Variants in INTS6 observed in about 807,000 individuals in gnomAD.
INTS6 encodes the protein DEAD box protein.
Under a neutral mutation model 104.9 loss-of-function variants are expected in INTS6, and 16 were observed. The observed-to-expected ratio is 0.15, with a 90% CI of 0.10 to 0.23. The LOEUF is 0.23. INTS6 is among the 10% of genes least tolerant of loss of function. INTS6 has a pLI of 1.00. For missense variants in INTS6, 584 were observed against 1,062.8 expected, an observed-to-expected ratio of 0.55 and a Z score of 6.26; for synonymous variants, 324 against 358.7, an observed-to-expected ratio of 0.90 and a Z score of 1.09.
intron 11 of INTS6, among the ~76,000 whole-genome samples, chr13:51,378,726 C>A (rs1955984732): frequency 6.6e-6 from 1 of 151,900 alleles, no homozygotes; most frequent in Non-Finnish European, 1.5e-5. Flanking sequence ...CCCACTATAC[C>A]TAAACCATGA....
downstream of INTS6, among the ~76,000 whole-genome samples, chr13:51,351,597 C>T (rs571529139): frequency 6.6e-6 from 1 of 152,208 alleles, no homozygotes; most frequent in Admixed American, 6.5e-5. Context: ...TTTCACTTCT[C>T]AATGGTGTCC....
At chr13:51,372,040 T>C (rs1955816802) in intron 15 of INTS6, among the ~76,000 whole-genome samples, 4 of 152,208 alleles carry the variant, frequency 2.6e-5, no homozygotes, top group Admixed American at 2.0e-4. Context: ...CACTGAAACA[T>C]GCTCAAGCAT....
chr13:51,428,199 AAAAC>A, intron 4 of INTS6, among the ~76,000 whole-genome samples: 1 of 152,264 alleles, frequency 6.6e-6, no homozygotes, highest in Non-Finnish European at 1.5e-5. Context: ...GGATAAAAAC[AAAAC>A]AAACATTCAA....
downstream of INTS6, among the ~76,000 whole-genome samples, chr13:51,360,492 A>G (rs1955556072): frequency 6.6e-6 from 1 of 152,070 alleles, no homozygotes; most frequent in Non-Finnish European, 1.5e-5. Context: ...TGTGTCATCA[A>G]GTATCCTTTC....
At chr13:51,423,478 T>C (rs1454128681) in intron 4 of INTS6, among the ~76,000 whole-genome samples, 1 of 152,060 alleles carries the variant, frequency 6.6e-6, no homozygotes, top group African/African-American at 2.4e-5. Flanking sequence ...ACAGATAATA[T>C]AAATTAACTG....
intron 13 of INTS6, among the ~76,000 whole-genome samples, chr13:51,375,499 G>A (rs950164206): frequency 2.1e-5 from 3 of 145,856 alleles, no homozygotes; most frequent in African/African-American, 7.6e-5. Flanking sequence ...AAGTCGCATA[G>A]CTAACTCTTT....
chr13:51,352,379 A>T (rs1335708656), downstream of INTS6, among the ~76,000 whole-genome samples: 1 of 150,678 alleles, frequency 6.6e-6, no homozygotes, highest in Non-Finnish European at 1.5e-5. Context: ...ACTCATTTTC[A>T]GATTGTTCTA....
Position 51,452,586 on chromosome 13 carries a change from AG to A in INTS6, c.-62del. 12 of 1,574,636 alleles carry A rather than the reference AG, an allele frequency of 7.6e-6. No individual in the cohort carries two copies. Among genetic ancestry groups the A allele is most frequent in the Non-Finnish European group, 1.0e-5 (12 of 1,158,008 alleles). ...GAGAAAGAGGAGATGGTAGAGGTGG[AG>A]GCGCCGGTGGCGGCGACCGCCGCTA... On this transcript the variant is annotated 5_prime_UTR_variant, in exon 1 of 18. Transcript: ENST00000311234. The surrounding 1 kb of genome is among the most constrained non-coding windows in gnomAD (Gnocchi z 4.2).
chr13:51,448,049 ACT>A (rs1253720518), intron 3 of INTS6: 2 of 152,020 alleles, frequency 1.3e-5, no homozygotes, highest in South Asian at 2.1e-4. Context: ...CAAGAGAGAA[ACT>A]CTGTCTCAAA....
At chr13:51,430,458 C>A in intron 3 of INTS6, 75 bp from the exon 4 acceptor site, 1 of 1,059,518 alleles carries the variant, frequency 9.4e-7, no homozygotes, top group East Asian at 2.4e-5. Context: ...ATTCTCAGAA[C>A]AGCATATATA....
intron 13 of INTS6, among the ~76,000 whole-genome samples, chr13:51,375,469 A>G (rs1955902170): frequency 9.3e-6 from 1 of 107,358 alleles, no homozygotes; most frequent in Non-Finnish European, 1.8e-5. Context: ...ATGGAAGTAC[A>G]GTATGGTAAA....
chr13:51,366,082 G>C (rs1258768351), intron 17 of INTS6, among the ~76,000 whole-genome samples: 1 of 151,716 alleles, frequency 6.6e-6, no homozygotes, highest in East Asian at 1.9e-4. Context: ...GAAAGAGGTT[G>C]TTCCTTCCAC....
Position 51,452,399 on chromosome 13 carries a change from C to T in INTS6, c.111+16G>A. The T allele has an allele frequency of 1.9e-6, 3 of 1,560,102 alleles. No individual in the cohort carries two copies. Among genetic ancestry groups the T allele is most frequent in the East Asian group, 2.6e-5 (1 of 38,426 alleles). On this transcript the variant is annotated intron_variant, in intron 1 of 17. Transcript: ENST00000311234. The surrounding 1 kb of genome is among the most constrained non-coding windows in gnomAD (Gnocchi z 4.2). Reference sequence around the variant, plus strand: ...CGCCGGGCCGGGGTCGCCGCCCGGGCTCGGTCAGTCGGTACCTTCATGAAG... The same window carrying T: ...CGCCGGGCCGGGGTCGCCGCCCGGGTTCGGTCAGTCGGTACCTTCATGAAG...
intron 5 of INTS6, among the ~76,000 whole-genome samples, chr13:51,393,211 G>A (rs1471558383): frequency 6.6e-6 from 1 of 151,960 alleles, no homozygotes; most frequent in Non-Finnish European, 1.5e-5. Context: ...CCGAACAGCT[G>A]GGATTACAGG....
intron 4 of INTS6, among the ~76,000 whole-genome samples, chr13:51,403,277 C>T (rs1344910852): frequency 1.3e-5 from 2 of 152,124 alleles, no homozygotes; most frequent in Non-Finnish European, 2.9e-5. Context: ...CAGGACTGAT[C>T]TGTACCAACA....
the INTS6 span, among the ~76,000 whole-genome samples, chr13:51,345,988 G>T: frequency 6.6e-6 from 1 of 152,164 alleles, no homozygotes; most frequent in Non-Finnish European, 1.5e-5. Context: ...TGGGTAACTG[G>T]GTGGATGGTG....
intron 4 of INTS6, among the ~76,000 whole-genome samples, chr13:51,425,993 C>T (rs1049777873): frequency 1.3e-5 from 2 of 151,766 alleles, no homozygotes; most frequent in African/African-American, 2.4e-5. Context: ...AATATATACA[C>T]ATAAAATTCA....
downstream of INTS6, among the ~76,000 whole-genome samples, chr13:51,359,349 A>AT (rs1314038004): frequency 6.6e-6 from 1 of 152,138 alleles, no homozygotes; most frequent in Non-Finnish European, 1.5e-5. Flanking sequence ...TTTTTATCGC[A>AT]TATGTTGGTC....
At chr13:51,390,009 A>G (rs1420439625) in intron 5 of INTS6, among the ~76,000 whole-genome samples, 2 of 152,080 alleles carry the variant, frequency 1.3e-5, no homozygotes, top group Non-Finnish European at 2.9e-5. Context: ...AATTTCACTT[A>G]GCTTATGTAA....
Sources: gnomAD v4.1 joint callset for allele counts (sites outside exome capture counted in the v4.1 genomes callset) on GRCh38, gnomAD v4.1.1 for gene constraint, Gnocchi (gnomAD v3.1) non-coding constraint, MANE v1.5 for transcripts, NCBI Gene and HGNC (gene_info 2026-07-23, HGNC 2026-07-21) for gene names.